The following RYR3 variants were observed in gnomAD, a reference collection of about 807,000 sequenced individuals.
RYR3 encodes ryanodine receptor 3.
In RYR3, 207 loss-of-function variants were observed where a neutral mutation model predicts 584.3. The observed-to-expected ratio is 0.35, with a 90% CI of 0.32 to 0.40. RYR3 has a LOEUF of 0.40. Among genes scored for constraint, RYR3 ranks in the 10% least tolerant of loss-of-function variants. The pLI is 1.00. For synonymous variants in RYR3, 2,416 were observed against 2,248.5 expected (o/e 1.07, Z -2.11); for missense variants, 5,616 against 6,089.2 (o/e 0.92, Z 2.59).
intron 94 of RYR3, among the ~76,000 whole-genome samples, chr15:33,848,765 T>C (rs1310228047): frequency 6.6e-6 from 1 of 151,616 alleles, no homozygotes; most frequent in Non-Finnish European, 1.5e-5. Context: ...GTTGATCAGC[T>C]TCAGCTTTTC....
intron 69 of RYR3, among the ~76,000 whole-genome samples, chr15:33,806,984 C>T (rs1322917128): frequency 1.3e-5 from 2 of 150,776 alleles, no homozygotes; most frequent in East Asian, 3.9e-4. Context: ...TTCCTAGCTT[C>T]AAGTGATCTT....
At chr15:33,492,809 AT>A (rs1488557792) in intron 2 of RYR3, among the ~76,000 whole-genome samples, 1 of 151,216 alleles carries the variant, frequency 6.6e-6, no homozygotes, top group African/African-American at 2.4e-5. Context: ...CCAGTTTGGC[AT>A]TTCCTCAGCT....
intron 68 of RYR3, 63 bp downstream of exon 68, chr15:33,800,920 G>C: frequency 8.3e-7 from 1 of 1,211,694 alleles, no homozygotes; most frequent in African/African-American, 1.5e-5. Flanking sequence ...GTGGAAAACT[G>C]TTGATGAAAA....
chr15:33,758,443 C>T (rs538931937), intron 60 of RYR3, among the ~76,000 whole-genome samples: 3 of 152,180 alleles, frequency 2.0e-5, no homozygotes, highest in Non-Finnish European at 4.4e-5. Flanking sequence ...CTGGGACACT[C>T]GGGCTTGGTT....
At chr15:33,435,680 A>G (rs1185949408) in intron 1 of RYR3, among the ~76,000 whole-genome samples, 1 of 152,132 alleles carries the variant, frequency 6.6e-6, no homozygotes, top group African/African-American at 2.4e-5. Context: ...TACAGCTCTT[A>G]AAGGTGGCAT....
At chr15:33,858,552 G>T (rs1021473043) in intron 99 of RYR3, 3 of 41,632 alleles carry the variant, frequency 7.2e-5, no homozygotes, top group African/African-American at 1.2e-4. Context: ...AAATTTCATG[G>T]AAGTTGAGCT....
Position 33,551,750 on chromosome 15 carries a change from A to AT in RYR3, c.972+1443dup, listed in dbSNP as rs955634820. On this transcript the variant is annotated intron_variant, in intron 10 of 103. Transcript: ENST00000634891. ...AGCATATCTTCCTCACTTTGCTATC[A>AT]TTTTTTTTTAGATTCCCAGCACAAG... is the stretch of plus-strand genomic sequence containing the variant. Among the ~76,000 whole-genome samples, 357 of 113,890 alleles carry AT rather than the reference A, an allele frequency of 3.1e-3. 1 individual carries two copies. The highest frequency in any genetic ancestry group is 0.025 in the African/African-American group (340 of 13,376). 74.7% of individuals were successfully genotyped at this position (113,890 alleles called of 152,430 possible).
At chr15:33,461,269 G>A (rs932592996) in intron 1 of RYR3, among the ~76,000 whole-genome samples, 8 of 152,066 alleles carry the variant, frequency 5.3e-5, no homozygotes, top group Admixed American at 6.6e-5. Context: ...TTTAACCACA[G>A]ACTAGACCCT....
At chr15:33,811,612 C>T (rs1006411859) in intron 72 of RYR3, among the ~76,000 whole-genome samples, 8 of 151,582 alleles carry the variant, frequency 5.3e-5, no homozygotes, top group African/African-American at 1.9e-4. Flanking sequence ...TTAGTTATTA[C>T]AAAGAGGATT....
At chr15:33,435,764 A>G (rs1215335759) in intron 1 of RYR3, among the ~76,000 whole-genome samples, 1 of 152,162 alleles carries the variant, frequency 6.6e-6, no homozygotes, top group Non-Finnish European at 1.5e-5. Flanking sequence ...AGACCCTCGC[A>G]GTGTTACAGC....
At chr15:33,367,312 C>CCTT (rs1315089355) in intron 1 of RYR3, among the ~76,000 whole-genome samples, 4 of 152,168 alleles carry the variant, frequency 2.6e-5, no homozygotes, top group Admixed American at 2.0e-4. Flanking sequence ...CTGAATTCTC[C>CCTT]CTTTTGTCAC....
intron 4 of RYR3, among the ~76,000 whole-genome samples, chr15:33,532,227 G>C (rs2054943593): frequency 6.6e-6 from 1 of 152,176 alleles, no homozygotes; most frequent in South Asian, 2.1e-4. Context: ...GCCCATCAGT[G>C]AAGGAGGCCA....
In RYR3 at chr15:33,659,747, G is replaced by A; in HGVS notation, c.4336G>A (p.Ala1446Thr). Residue 1446 changes from alanine to threonine, a missense_variant, in exon 33 of 104, where the codon GCA (alanine) becomes ACA (threonine). Around this residue, in one of 9 missense-constraint regions of RYR3, gnomAD observed 753 missense variants for 741.0 expected, o/e 1.02. Coordinates refer to ENST00000634891, the MANE Select transcript of RYR3 (RefSeq NM_001036.6). ...GGAGCCTAATACCAAAGTGTTTCCA[G>A]CAGTCTTCCTGCAGCCTACAAGTAC... Reference protein sequence around the residue: ...QVEPNTKVFPAVFLQPTSTSL... With the variant: ...QVEPNTKVFPTVFLQPTSTSL... 2 of 1,613,060 alleles carry A rather than the reference G, an allele frequency of 1.2e-6. No homozygotes were observed. Among genetic ancestry groups the A allele is most frequent in the Non-Finnish European group, 1.7e-6 (2 of 1,179,082 alleles).
chr15:33,744,469 C>T (rs899245775), intron 52 of RYR3, among the ~76,000 whole-genome samples: 2 of 152,176 alleles, frequency 1.3e-5, no homozygotes, highest in African/African-American at 2.4e-5. Flanking sequence ...TTTCCTTGCC[C>T]TCAAAAGCCT....
chr15:33,432,812 G>A (rs748234375), intron 1 of RYR3, among the ~76,000 whole-genome samples: 5 of 151,788 alleles, frequency 3.3e-5, no homozygotes, highest in South Asian at 2.1e-4. Context: ...GAGGCACCGC[G>A]ACTGGCTGAG....
At chr15:33,843,461 T>A in intron 91 of RYR3, 27 bp from the exon 92 acceptor site, 1 of 1,520,726 alleles carries the variant, frequency 6.6e-7, no homozygotes, top group Non-Finnish European at 9.0e-7. Context: ...AAAGCTCTTC[T>A]ACTTCTGCCT....
At chr15:33,594,891 C>T (rs2059297718) in intron 16 of RYR3, among the ~76,000 whole-genome samples, 1 of 152,176 alleles carries the variant, frequency 6.6e-6, no homozygotes, top group Admixed American at 6.5e-5. Flanking sequence ...TAAGGTACAT[C>T]AGAATTACAG....
At chr15:33,470,459 CTA>C (rs2048840906) in intron 1 of RYR3, among the ~76,000 whole-genome samples, 1 of 142,624 alleles carries the variant, frequency 7.0e-6, no homozygotes, top group Non-Finnish European at 1.5e-5. Flanking sequence ...GTTATTTTCT[CTA>C]TCAAAAAAAA....
chr15:33,316,531 G>A (rs192605117), intron 1 of RYR3, among the ~76,000 whole-genome samples: 153 of 152,158 alleles, frequency 1.0e-3, no homozygotes, highest in African/African-American at 3.3e-3. Flanking sequence ...CAGTAGGAGT[G>A]GGATGCTGTA....
Sources: allele counts gnomAD v4.1 joint callset (sites outside exome capture counted in the v4.1 genomes callset), GRCh38; gene constraint gnomAD v4.1.1; regional missense constraint gnomAD v4.1.1; transcripts MANE v1.5; gene names NCBI Gene and HGNC (gene_info 2026-07-23, HGNC 2026-07-21).